ARHGAP8: variants seen among roughly 807,000 people sequenced by gnomAD.
ARHGAP8 encodes the protein Rho GTPase activating protein 8.
A neutral mutation model predicts 46.1 loss-of-function variants in ARHGAP8; 62 were observed. That is an observed-to-expected ratio of 1.34 (90% CI 1.10 to 1.66). The LOEUF (loss-of-function observed/expected upper bound fraction) is 1.66, where lower values mean the gene tolerates loss of function less well. ARHGAP8 is among the 40% of genes most tolerant of loss of function. The pLI is 0.00. For missense variants in ARHGAP8, 923 were observed against 568.4 expected (o/e 1.62, Z -6.34); for synonymous variants, 375 against 243.1 (o/e 1.54, Z -5.05).
intron 2 of ARHGAP8, among the ~76,000 whole-genome samples, chr22:44,787,199 T>C (rs1927321350): frequency 6.6e-6 from 1 of 152,178 alleles, no homozygotes; most frequent in South Asian, 2.1e-4. Flanking sequence ...TGAAATTTAA[T>C]GAATTGTTTT....
intron 2 of ARHGAP8, among the ~76,000 whole-genome samples, chr22:44,789,805 CCTT>C (rs1266491601): frequency 6.6e-6 from 1 of 152,122 alleles, no homozygotes; most frequent in Non-Finnish European, 1.5e-5. Context: ...TATTAAGTGA[CCTT>C]CTTTATGTCT....
At chr22:44,772,223 CTTTTTTTTTTTTTTTT>C (rs71188484) in intron 1 of ARHGAP8, among the ~76,000 whole-genome samples, 4 of 16,434 alleles carry the variant, frequency 2.4e-4, no homozygotes, top group Admixed American at 1.5e-3. Context: ...ACTGTTTTGC[CTTTTTTTTTTTTTTTT>C]TTTTTTTTTT....
chr22:44,821,262 T>A (rs1238191125), intron 5 of ARHGAP8, among the ~76,000 whole-genome samples: 6 of 151,922 alleles, frequency 3.9e-5, no homozygotes, highest in African/African-American at 1.5e-4. Flanking sequence ...AAACCCCGTC[T>A]CTACTAAAAA....
intron 1 of ARHGAP8, among the ~76,000 whole-genome samples, chr22:44,783,538 C>A (rs1249641447): frequency 1.1e-4 from 17 of 152,150 alleles, no homozygotes; most frequent in Admixed American, 1.1e-3. Flanking sequence ...GGTGAAGGTC[C>A]CTGGAGGCCC....
intron 7 of ARHGAP8, among the ~76,000 whole-genome samples, chr22:44,838,136 GCTAATTT>G (rs1403389312): frequency 2.1e-5 from 3 of 142,100 alleles, no homozygotes; most frequent in African/African-American, 5.4e-5. Context: ...ACCATGCCTG[GCTAATTT>G]TTTTTTTTTT....
intron 2 of ARHGAP8, among the ~76,000 whole-genome samples, chr22:44,801,346 C>T (rs1479317356): frequency 9.0e-6 from 1 of 110,706 alleles, no homozygotes; most frequent in Non-Finnish European, 1.8e-5. Flanking sequence ...AGGGGCACCT[C>T]TCCCCGCAGC....
chr22:44,829,762 A>G (rs1371755071), intron 7 of ARHGAP8, among the ~76,000 whole-genome samples: 3 of 152,276 alleles, frequency 2.0e-5, no homozygotes, highest in Non-Finnish European at 4.4e-5. Flanking sequence ...ACTGAATCCT[A>G]TTCACAAATG....
chr22:44,795,052 A>AAC (rs1442699081), intron 2 of ARHGAP8, among the ~76,000 whole-genome samples: 1 of 150,746 alleles, frequency 6.6e-6, no homozygotes, highest in East Asian at 1.9e-4. Flanking sequence ...AAAAAAAAAA[A>AAC]AACAAAAAAC....
At chr22:44,831,613 C>T (rs144014792) in intron 7 of ARHGAP8, among the ~76,000 whole-genome samples, 4,466 of 152,212 alleles carry the variant, frequency 0.029, 179 homozygotes, top group African/African-American at 0.098. Context: ...ACAGGAGAAT[C>T]GCTTGAACCT....
At chr22:44,842,200 T>C (rs909525144) in intron 7 of ARHGAP8, among the ~76,000 whole-genome samples, 1 of 151,982 alleles carries the variant, frequency 6.6e-6, no homozygotes, top group Admixed American at 6.6e-5. Context: ...CTACTAAAAA[T>C]ACAAAAATTA....
chr22:44,774,672 G>A (rs1322522606), intron 1 of ARHGAP8, among the ~76,000 whole-genome samples: 2 of 151,232 alleles, frequency 1.3e-5, no homozygotes, highest in East Asian at 2.0e-4. Flanking sequence ...ACAGGCACCC[G>A]CCACCACACC....
chr22:44,855,100 T>G (rs1164510517), intron 10 of ARHGAP8, among the ~76,000 whole-genome samples: 1 of 152,248 alleles, frequency 6.6e-6, no homozygotes, highest in East Asian at 1.9e-4. Flanking sequence ...CTAAGCCAAT[T>G]TGAATAGAAC....
chr22:44,769,558 G>A (rs757906158), intron 1 of ARHGAP8, among the ~76,000 whole-genome samples: 2 of 152,172 alleles, frequency 1.3e-5, no homozygotes, highest in African/African-American at 2.4e-5. Context: ...AGTTGATATC[G>A]TTAACAATAT....
intron 11 of ARHGAP8, among the ~76,000 whole-genome samples, chr22:44,860,783 T>G (rs980367154): frequency 6.6e-6 from 1 of 152,148 alleles, no homozygotes; most frequent in Non-Finnish European, 1.5e-5. Flanking sequence ...CACATCCACG[T>G]GGGTCCACCC....
chr22:44,827,039 TAAGTA>T (rs1182196042), intron 7 of ARHGAP8, among the ~76,000 whole-genome samples: 1 of 152,030 alleles, frequency 6.6e-6, no homozygotes, highest in Non-Finnish European at 1.5e-5. Flanking sequence ...CAGAAATGAT[TAAGTA>T]AAGGATCTTG....
rs140862043 is a variant in ARHGAP8, at chr22:44,843,220, C to G, written c.597-2049C>G. 6.9e-3 allele frequency among the ~76,000 whole-genome samples: 1,054 copies of G among 152,244 alleles called. 8 individuals are homozygous for G. Among genetic ancestry groups the G allele is most frequent in the Non-Finnish European group, 0.011 (716 of 68,028 alleles). ...ACAATGCATTTTGCAAGCGGTAAAG[C>G]TGTGTATTTCAGAAATAAATGCCCA... On this transcript the variant is annotated intron_variant, in intron 7 of 11. Coordinates refer to ENST00000356099, the MANE Select transcript of ARHGAP8 (RefSeq NM_181335.3).
At position 44,758,621 on chromosome 22, in the gene ARHGAP8, A is replaced by AG. The variant is rs370161996; in HGVS notation, c.-72+6001dup. Among the ~76,000 whole-genome samples, 842 of 136,214 alleles carry AG rather than the reference A, an allele frequency of 6.2e-3. 3 individuals are homozygous for AG. Among genetic ancestry groups the AG allele is most frequent in the Non-Finnish European group, 9.5e-3 (596 of 63,062 alleles). 89.4% of individuals were successfully genotyped at this position (136,214 alleles called of 152,430 possible). ...GGGCTGTGCGTTCCAGGTAGTGGGGAGGGGGGGAACATAGCGTGTGCAAAG... is the reference window on the plus strand; with the variant it reads ...GGGCTGTGCGTTCCAGGTAGTGGGGAGGGGGGGGAACATAGCGTGTGCAAAG... On this transcript the variant is annotated intron_variant, in intron 1 of 11. Coordinates refer to ENST00000356099, the MANE Select transcript of ARHGAP8 (RefSeq NM_181335.3).
intron 10 of ARHGAP8, 54 bp from the exon 11 acceptor site, chr22:44,859,677 C>G (rs569466471): frequency 3.1e-6 from 5 of 1,590,802 alleles, no homozygotes; most frequent in Non-Finnish European, 4.3e-6. Flanking sequence ...GGCCGGGATG[C>G]AGCGCTGCCC....
chr22:44,788,085 T>A (rs1006493089), intron 2 of ARHGAP8, among the ~76,000 whole-genome samples: 3 of 143,418 alleles, frequency 2.1e-5, no homozygotes, highest in Non-Finnish European at 4.6e-5. Flanking sequence ...GTGTTTAAAA[T>A]TTTTATTATA....
Sources: gnomAD v4.1 joint callset for allele counts (sites outside exome capture counted in the v4.1 genomes callset) on GRCh38, gnomAD v4.1.1 for gene constraint, MANE v1.5 for transcripts, NCBI Gene and HGNC (gene_info 2026-07-23, HGNC 2026-07-21) for gene names.